The following ZNF679 variants were observed in gnomAD, a reference collection of about 807,000 sequenced individuals.
ZNF679 encodes the protein zinc finger protein 679.
In ZNF679, 10 loss-of-function variants were observed where a neutral mutation model predicts 13.4. The ratio of observed to expected loss-of-function variants is 0.75; its 90% CI spans 0.46 to 1.27. The LOEUF is 1.27. Among genes scored for constraint, ZNF679 ranks in the 50% most tolerant of loss-of-function variants. ZNF679 has a pLI of 0.00. For missense variants in ZNF679, 525 were observed against 477.8 expected, an observed-to-expected ratio of 1.10 and a Z score of -0.92; for synonymous variants, 179 against 162.5, an observed-to-expected ratio of 1.10 and a Z score of -0.77.
At chr7:64,241,758 G>A (rs1168784645) in intron 1 of ZNF679, among the ~76,000 whole-genome samples, 1 of 152,188 alleles carries the variant, frequency 6.6e-6, no homozygotes, top group Admixed American at 6.5e-5. Context: ...TTGATGATTG[G>A]CCCAGAGATA....
intron 2 of ZNF679, among the ~76,000 whole-genome samples, chr7:64,253,704 A>G (rs1787970210): frequency 6.6e-6 from 1 of 152,224 alleles, no homozygotes; most frequent in Admixed American, 6.5e-5. Context: ...TTCATAGAGA[A>G]TAGCAAACAA....
intron 1 of ZNF679, among the ~76,000 whole-genome samples, chr7:64,233,750 A>C (rs952399064): frequency 6.6e-6 from 1 of 152,172 alleles, no homozygotes; most frequent in African/African-American, 2.4e-5. Context: ...TCTTGATTTA[A>C]GGATTTAATC....
chr7:64,260,776 G>T, intron 3 of ZNF679, 58 bp from the exon 4 acceptor site: 2 of 1,517,996 alleles, frequency 1.3e-6, no homozygotes, highest in Non-Finnish European at 1.8e-6. Flanking sequence ...CATAATACTC[G>T]TTTGGTAATT....
chr7:64,239,270 A>G (rs935956998), intron 1 of ZNF679, among the ~76,000 whole-genome samples: 8 of 152,180 alleles, frequency 5.3e-5, no homozygotes, highest in African/African-American at 1.9e-4. Context: ...TGAGGTTGTG[A>G]CACCCCTACT....
intron 1 of ZNF679, among the ~76,000 whole-genome samples, chr7:64,242,742 A>G (rs1470902632): frequency 1.3e-5 from 2 of 151,358 alleles, no homozygotes; most frequent in African/African-American, 2.4e-5. Context: ...TTTAGACAAT[A>G]TGCATGTGTG....
intron 1 of ZNF679, among the ~76,000 whole-genome samples, chr7:64,233,655 C>T (rs893724313): frequency 1.3e-5 from 2 of 152,162 alleles, no homozygotes; most frequent in African/African-American, 4.8e-5. Context: ...TCCATTCATT[C>T]CATCCATAAC....
intron 1 of ZNF679, among the ~76,000 whole-genome samples, chr7:64,247,103 A>G (rs1479743582): frequency 1.3e-5 from 2 of 152,180 alleles, no homozygotes; most frequent in Non-Finnish European, 2.9e-5. Context: ...CTAATGCATT[A>G]TAATTAGCGT....
chr7:64,233,590 C>A (rs1048199119), intron 1 of ZNF679, among the ~76,000 whole-genome samples: 5 of 152,160 alleles, frequency 3.3e-5, no homozygotes, highest in Admixed American at 3.3e-4. Context: ...TCCGTGTAAC[C>A]TGCTTGGGGC....
At chr7:64,251,177 G>GGC (rs1390404352) in intron 2 of ZNF679, among the ~76,000 whole-genome samples, 2 of 152,116 alleles carry the variant, frequency 1.3e-5, no homozygotes, top group African/African-American at 2.4e-5. Flanking sequence ...GCAGAGGTCA[G>GGC]GCGCAGTGGC....
At chr7:64,246,919 T>C (rs1787877804) in intron 1 of ZNF679, among the ~76,000 whole-genome samples, 3 of 152,162 alleles carry the variant, frequency 2.0e-5, no homozygotes, top group African/African-American at 7.2e-5. Flanking sequence ...TACTTACAGT[T>C]ATTTCTTGAT....
At chr7:64,261,273 T>A (rs1268160074) in intron 4 of ZNF679, among the ~76,000 whole-genome samples, 7 of 76,286 alleles carry the variant, frequency 9.2e-5, no homozygotes, top group African/African-American at 1.9e-4. Context: ...CCATTAAAAA[T>A]TTTTTTTTGC....
rs1275085666 is a variant in ZNF679 at position 64,230,405 on chromosome 7, C to G, written c.-91+1753C>G. Among the ~76,000 whole-genome samples the G allele has an allele frequency of 3.3e-5, 5 of 151,860 alleles. No individual in the cohort carries two copies. In the East Asian group the frequency reaches 9.7e-4, roughly 30 times the overall value. On this transcript the variant is annotated intron_variant, in intron 1 of 4. Coordinates refer to ENST00000421025, the MANE Select transcript of ZNF679 (RefSeq NM_153363.3). ...AAAATTAGCCGGGCGCGGTGGCGGG[C>G]GCCTGTAGTCCCAGCTACTGGGGAG...
At chr7:64,234,764 T>C (rs940343089) in intron 1 of ZNF679, among the ~76,000 whole-genome samples, 3 of 152,312 alleles carry the variant, frequency 2.0e-5, no homozygotes, top group African/African-American at 4.8e-5. Flanking sequence ...TATGGAGCAA[T>C]AGAAGACTAA....
chr7:64,247,215 T>G (rs1280489440), intron 1 of ZNF679, among the ~76,000 whole-genome samples: 1 of 152,236 alleles, frequency 6.6e-6, no homozygotes, highest in Non-Finnish European at 1.5e-5. Context: ...CAGCAAGGTC[T>G]TTGTGAACTG....
chr7:64,255,911 A>AT (rs547060311), intron 2 of ZNF679, among the ~76,000 whole-genome samples: 103 of 151,988 alleles, frequency 6.8e-4, no homozygotes, highest in African/African-American at 2.4e-3. Context: ...GCCTGGCAGA[A>AT]TTTTTTTTCT....
chr7:64,236,797 GGAAAGAAAAAGAAAGAAA>G lies in ZNF679; in HGVS notation c.-91+8152_-91+8169del, dbSNP rs1240554637. 4.7e-5 allele frequency among the ~76,000 whole-genome samples: 6 copies of G among 127,376 alleles called. No homozygotes were observed. In the South Asian group the frequency reaches 1.2e-3, roughly 26 times the overall value. 83.6% of individuals were successfully genotyped at this position (127,376 alleles called of 152,430 possible). On this transcript the variant is annotated intron_variant, in intron 1 of 4. Coordinates refer to ENST00000421025, the MANE Select transcript of ZNF679 (RefSeq NM_153363.3). ...AACTCGAAAGGAAAGGAAAGGAGAAGGAAAGAAAAAGAAAGAAAGAAAGAGAAAGAAGGAAAAAAGGAG... is the reference window on the plus strand; with the variant it reads ...AACTCGAAAGGAAAGGAAAGGAGAAGGAAAGAGAAAGAAGGAAAAAAGGAG...
intron 2 of ZNF679, among the ~76,000 whole-genome samples, chr7:64,255,983 T>A (rs893878125): frequency 3.3e-5 from 5 of 152,124 alleles, no homozygotes; most frequent in Non-Finnish European, 7.3e-5. Context: ...TAAAATCATA[T>A]CATGAAGTTT....
intron 1 of ZNF679, among the ~76,000 whole-genome samples, chr7:64,234,098 G>A (rs952910888): frequency 1.3e-5 from 2 of 151,162 alleles, no homozygotes; most frequent in Non-Finnish European, 2.9e-5. Flanking sequence ...ATAGAACAGG[G>A]CTGTTCCAGA....
At chr7:64,255,405 T>C (rs990084316) in intron 2 of ZNF679, among the ~76,000 whole-genome samples, 1 of 152,108 alleles carries the variant, frequency 6.6e-6, no homozygotes, top group Non-Finnish European at 1.5e-5. Context: ...TGCCTACACG[T>C]TTCCTGGCAT....
Sources: allele counts gnomAD v4.1 joint callset (sites outside exome capture counted in the v4.1 genomes callset), GRCh38; gene constraint gnomAD v4.1.1; transcripts MANE v1.5; gene names NCBI Gene and HGNC (gene_info 2026-07-23, HGNC 2026-07-21).